TANC2: variants seen among roughly 807,000 people sequenced by gnomAD.
TANC2 encodes the protein tetratricopeptide repeat, ankyrin repeat and coiled-coil containing 2, also known as protein TANC2.
TANC2 carries 26 observed loss-of-function variants against 210.5 expected under a neutral mutation model. The observed-to-expected ratio is 0.12, with a 90% CI of 0.09 to 0.17. The LOEUF is 0.17. TANC2 is among the 10% of genes least tolerant of loss of function. The pLI, the probability that TANC2 is intolerant of heterozygous loss-of-function variation, is 1.00. For synonymous variants in TANC2, 931 were observed against 967.1 expected (o/e 0.96, Z 0.69); for missense variants, 2,129 against 2,608.9 (o/e 0.82, Z 4.01).
intron 8 of TANC2, among the ~76,000 whole-genome samples, chr17:63,261,849 G>A (rs2043366571): frequency 6.6e-6 from 1 of 152,116 alleles, no homozygotes; most frequent in South Asian, 2.1e-4. Flanking sequence ...CTAACAAGAT[G>A]GAAGTATCTT....
At chr17:63,234,998 C>T (rs1460692834) in intron 7 of TANC2, among the ~76,000 whole-genome samples, 1 of 151,832 alleles carries the variant, frequency 6.6e-6, no homozygotes, top group Non-Finnish European at 1.5e-5. Context: ...AGTATTAAAG[C>T]TTATGATCTA....
chr17:62,996,691 A>G (rs1024245617), intron 1 of TANC2, among the ~76,000 whole-genome samples: 7 of 152,002 alleles, frequency 4.6e-5, no homozygotes, highest in Non-Finnish European at 1.0e-4. Flanking sequence ...GATTAAATAC[A>G]TGCTCTTTTG....
intron 4 of TANC2, among the ~76,000 whole-genome samples, chr17:63,143,119 T>C (rs1345005126): frequency 2.0e-5 from 3 of 152,208 alleles, no homozygotes; most frequent in African/African-American, 2.4e-5. Flanking sequence ...TTTTATGGAA[T>C]TGGTTTACAA....
At chr17:63,403,323 A>G (rs1488804380) in intron 19 of TANC2, among the ~76,000 whole-genome samples, 2 of 152,160 alleles carry the variant, frequency 1.3e-5, no homozygotes, top group Admixed American at 1.3e-4. Flanking sequence ...TCAACCTAGT[A>G]ACTACTTTAA....
intron 4 of TANC2, among the ~76,000 whole-genome samples, chr17:63,102,610 ATCCCTCCCCCCTCC>A (rs1228452418): frequency 6.6e-6 from 1 of 151,666 alleles, no homozygotes; most frequent in Non-Finnish European, 1.5e-5. Flanking sequence ...TCCTAATGCT[ATCCCTCCCCCCTCC>A]TCCCTCCCCC....
At chr17:63,146,001 G>A (rs954161659) in intron 4 of TANC2, among the ~76,000 whole-genome samples, 11 of 152,186 alleles carry the variant, frequency 7.2e-5, no homozygotes, top group South Asian at 4.2e-4. Flanking sequence ...CACTTGGGTG[G>A]TGTACCATCT....
At chr17:63,017,049 G>T (rs993615102) in intron 2 of TANC2, among the ~76,000 whole-genome samples, 9 of 152,156 alleles carry the variant, frequency 5.9e-5, no homozygotes, top group African/African-American at 2.2e-4. Flanking sequence ...TCTTCTAAGA[G>T]TTATGGTTTT....
intron 7 of TANC2, among the ~76,000 whole-genome samples, chr17:63,210,260 C>G (rs557616838): frequency 6.6e-6 from 1 of 152,298 alleles, no homozygotes; most frequent in East Asian, 1.9e-4. Flanking sequence ...TTCCTTGACT[C>G]CTATTTCGTA....
intron 4 of TANC2, among the ~76,000 whole-genome samples, chr17:63,126,656 G>T (rs188072741): frequency 6.6e-6 from 1 of 152,218 alleles, no homozygotes; most frequent in Admixed American, 6.5e-5. Flanking sequence ...TGATCAGCCT[G>T]CCTCGGCCTC....
chr17:63,195,470 T>A (rs1042667371), intron 6 of TANC2, among the ~76,000 whole-genome samples: 5 of 152,200 alleles, frequency 3.3e-5, no homozygotes, highest in Non-Finnish European at 7.3e-5. Flanking sequence ...GTACTCAATC[T>A]GATCCCTTCT....
Position 63,044,603 on chromosome 17 carries a change from A to G in TANC2, c.68-29340A>G, listed in dbSNP as rs577319188. 1.6e-4 allele frequency among the ~76,000 whole-genome samples: 25 copies of G among 152,268 alleles called. No individual in the cohort carries two copies. In the South Asian group the frequency reaches 5.2e-3, roughly 32 times the overall value. ...CCACACATTAGTTTTTCTAGGAACT[A>G]TACCTAGAAATGGACTTGCAAATGT... On this transcript the variant is annotated intron_variant, in intron 2 of 27. Transcript: ENST00000689528.
chr17:63,217,695 C>T (rs1426790116), intron 7 of TANC2, among the ~76,000 whole-genome samples: 1 of 152,158 alleles, frequency 6.6e-6, no homozygotes, highest in East Asian at 1.9e-4. Context: ...CAGACTCCTC[C>T]AGGAAGTTAA....
intron 14 of TANC2, among the ~76,000 whole-genome samples, chr17:63,378,939 A>G (rs769934856): frequency 6.6e-6 from 1 of 150,876 alleles, no homozygotes; most frequent in South Asian, 2.1e-4. Flanking sequence ...GGGAAGTACA[A>G]TAGACAGTTG....
intron 1 of TANC2, among the ~76,000 whole-genome samples, chr17:63,006,652 A>G (rs2033636244): frequency 6.6e-6 from 1 of 152,148 alleles, no homozygotes; most frequent in Non-Finnish European, 1.5e-5. Flanking sequence ...ATTTACTGAT[A>G]CTTTATGGCC....
At chr17:63,177,444 G>A (rs1326678752) in intron 5 of TANC2, among the ~76,000 whole-genome samples, 2 of 151,754 alleles carry the variant, frequency 1.3e-5, no homozygotes, top group East Asian at 3.9e-4. Flanking sequence ...ATGACTAAGA[G>A]AATGCTTAGA....
chr17:62,991,670 A>G (rs2032876511), intron 1 of TANC2, among the ~76,000 whole-genome samples: 1 of 151,926 alleles, frequency 6.6e-6, no homozygotes, highest in African/African-American at 2.4e-5. Context: ...AACAAACAAA[A>G]AAAGCTAAGT....
At chr17:63,372,893 C>CTTTTTTTTTT (rs753800050) in intron 14 of TANC2, among the ~76,000 whole-genome samples, 1 of 115,938 alleles carries the variant, frequency 8.6e-6, no homozygotes, top group Non-Finnish European at 1.7e-5. Flanking sequence ...TGATTACCAT[C>CTTTTTTTTTT]TTTTTTTTTT....
At chr17:63,281,808 A>C (rs1317822691) in intron 9 of TANC2, among the ~76,000 whole-genome samples, 1 of 152,084 alleles carries the variant, frequency 6.6e-6, no homozygotes, top group Non-Finnish European at 1.5e-5. Context: ...AGTCACACAG[A>C]AGTACACAAG....
At chr17:63,002,140 C>A (rs1216752024) in intron 1 of TANC2, among the ~76,000 whole-genome samples, 2 of 152,104 alleles carry the variant, frequency 1.3e-5, no homozygotes, top group African/African-American at 4.8e-5. Flanking sequence ...AATCATACCA[C>A]AGAGTTGCCC....
Sources: allele counts gnomAD v4.1 joint callset (sites outside exome capture counted in the v4.1 genomes callset), GRCh38; gene constraint gnomAD v4.1.1; transcripts MANE v1.5; gene names NCBI Gene and HGNC (gene_info 2026-07-23, HGNC 2026-07-21).